The following CLSTN2 variants were observed in gnomAD, a reference collection of about 807,000 sequenced individuals.
CLSTN2 encodes the protein calsyntenin 2, also known as calsyntenin-2.
In CLSTN2, 48 loss-of-function variants were observed where a neutral mutation model predicts 101.2. That is an observed-to-expected ratio of 0.47 (90% CI 0.38 to 0.60). The LOEUF is 0.60. Ranked by LOEUF, CLSTN2 falls within the 20% of genes least tolerant of loss-of-function variation. The probability of loss-of-function intolerance (pLI) is 0.00; values close to 1 mark genes in which losing one functional copy is unlikely to be tolerated. For synonymous variants in CLSTN2, 481 were observed against 463.6 expected (o/e 1.04, Z -0.48); for missense variants, 1,160 against 1,238.2 (o/e 0.94, Z 0.95).
chr3:140,378,611 G>A (rs988463636), intron 2 of CLSTN2, among the ~76,000 whole-genome samples: 1 of 152,192 alleles, frequency 6.6e-6, no homozygotes, highest in Non-Finnish European at 1.5e-5. Flanking sequence ...TGATCCTATT[G>A]TTCATCTGAA....
At chr3:140,150,250 G>A (rs2009841254) in intron 1 of CLSTN2, among the ~76,000 whole-genome samples, 1 of 152,194 alleles carries the variant, frequency 6.6e-6, no homozygotes, top group Non-Finnish European at 1.5e-5. Context: ...TGGAAGGAAT[G>A]AGCGTTGCAC....
intron 1 of CLSTN2, among the ~76,000 whole-genome samples, chr3:140,108,074 C>A (rs772648436): frequency 1.3e-5 from 2 of 152,102 alleles, no homozygotes; most frequent in African/African-American, 4.8e-5. Flanking sequence ...CTAGGAATGA[C>A]GTGTTCCTCT....
intron 1 of CLSTN2, among the ~76,000 whole-genome samples, chr3:140,112,790 G>A (rs946010355): frequency 1.3e-5 from 2 of 152,094 alleles, no homozygotes; most frequent in African/African-American, 4.8e-5. Flanking sequence ...GGCAAATCCT[G>A]CTTGTTGATA....
chr3:140,019,664 T>A (rs1560071543), intron 1 of CLSTN2, among the ~76,000 whole-genome samples: 1 of 152,008 alleles, frequency 6.6e-6, no homozygotes, highest in Non-Finnish European at 1.5e-5. Context: ...TATGATTGGG[T>A]TTGCACTTTA....
At chr3:140,385,739 C>T (rs2088045530) in intron 2 of CLSTN2, among the ~76,000 whole-genome samples, 1 of 152,066 alleles carries the variant, frequency 6.6e-6, no homozygotes, top group Non-Finnish European at 1.5e-5. Context: ...TGAAGAGGCC[C>T]TTGTCAAGCA....
chr3:139,942,494 C>A (rs1935149012), intron 1 of CLSTN2, among the ~76,000 whole-genome samples: 1 of 152,136 alleles, frequency 6.6e-6, no homozygotes, highest in Non-Finnish European at 1.5e-5. Context: ...GGCCAGGATA[C>A]ATACTTTTAA....
intron 2 of CLSTN2, among the ~76,000 whole-genome samples, chr3:140,229,729 T>C (rs904549508): frequency 6.6e-6 from 1 of 152,076 alleles, no homozygotes; most frequent in Admixed American, 6.5e-5. Context: ...CACATTCCTC[T>C]GGGGCTGCAT....
intron 2 of CLSTN2, among the ~76,000 whole-genome samples, chr3:140,259,554 C>T (rs958523566): frequency 2.0e-5 from 3 of 152,092 alleles, no homozygotes; most frequent in Non-Finnish European, 2.9e-5. Flanking sequence ...TGTACAAATC[C>T]ATAAAACTAT....
At chr3:140,389,950 T>G (rs2107969891) in intron 2 of CLSTN2, among the ~76,000 whole-genome samples, 1 of 152,286 alleles carries the variant, frequency 6.6e-6, no homozygotes, top group East Asian at 1.9e-4. Flanking sequence ...TGCTAGCCTC[T>G]TAAAAAGAGT....
intron 1 of CLSTN2, among the ~76,000 whole-genome samples, chr3:140,036,731 T>C (rs1030503876): frequency 1.1e-4 from 17 of 152,028 alleles, no homozygotes; most frequent in African/African-American, 4.1e-4. Context: ...GATCTATCTT[T>C]ACAGGGGGCC....
chr3:139,993,218 T>C (rs1936145390), intron 1 of CLSTN2, among the ~76,000 whole-genome samples: 2 of 152,050 alleles, frequency 1.3e-5, no homozygotes, highest in Admixed American at 1.3e-4. Context: ...CAAGAGTACC[T>C]CTTGGTGGGT....
At chr3:140,054,002 G>C (rs1389518719) in intron 1 of CLSTN2, among the ~76,000 whole-genome samples, 2 of 152,158 alleles carry the variant, frequency 1.3e-5, no homozygotes, top group East Asian at 3.9e-4. Flanking sequence ...ATCACAGCTG[G>C]TCCTCGGGCA....
chr3:140,424,299 T>C (rs1383320001), intron 5 of CLSTN2, among the ~76,000 whole-genome samples: 6 of 152,232 alleles, frequency 3.9e-5, no homozygotes, highest in Non-Finnish European at 7.3e-5. Context: ...TTCCAGATCA[T>C]AGACAGGCCC....
chr3:140,048,232 A>C (rs950444720), intron 1 of CLSTN2, among the ~76,000 whole-genome samples: 1 of 152,232 alleles, frequency 6.6e-6, no homozygotes. Flanking sequence ...AAATTAAAAC[A>C]ATCTCTAGTG....
chr3:140,559,817 C>T (rs534831123), intron 12 of CLSTN2, among the ~76,000 whole-genome samples: 3 of 152,242 alleles, frequency 2.0e-5, no homozygotes, highest in South Asian at 4.1e-4. Flanking sequence ...CTTAAACCAC[C>T]CTGGTCCCTA....
chr3:140,423,106 T>C (rs1223450322), intron 5 of CLSTN2, among the ~76,000 whole-genome samples: 2 of 152,236 alleles, frequency 1.3e-5, no homozygotes, highest in Non-Finnish European at 2.9e-5. Context: ...CAATGCTTCT[T>C]TGACTTTGAC....
At chr3:140,427,501 G>C (rs2088585010) in intron 5 of CLSTN2, among the ~76,000 whole-genome samples, 2 of 152,014 alleles carry the variant, frequency 1.3e-5, no homozygotes, top group Non-Finnish European at 1.5e-5. Flanking sequence ...GAGATGTCTA[G>C]TGGGCAGTGG....
intron 1 of CLSTN2, among the ~76,000 whole-genome samples, chr3:140,074,885 G>A (rs1055017069): frequency 5.3e-5 from 8 of 152,112 alleles, no homozygotes; most frequent in Non-Finnish European, 1.5e-5. Context: ...CCCAGTCAGG[G>A]GCTCACTCTC....
At chr3:140,482,869 T>C (rs1053857631) in intron 8 of CLSTN2, among the ~76,000 whole-genome samples, 4 of 152,178 alleles carry the variant, frequency 2.6e-5, no homozygotes, top group African/African-American at 9.7e-5. Context: ...GTGTATCAAT[T>C]TTGTTGATCT....
Sources: allele counts gnomAD v4.1 joint callset (sites outside exome capture counted in the v4.1 genomes callset), GRCh38; gene constraint gnomAD v4.1.1; transcripts MANE v1.5; gene names NCBI Gene and HGNC (gene_info 2026-07-23, HGNC 2026-07-21).